PKIB: variants seen among roughly 807,000 people sequenced by gnomAD.
The protein encoded by PKIB is cAMP-dependent protein kinase inhibitor beta, also known as PKI-beta.
A neutral mutation model predicts 4.5 loss-of-function variants in PKIB; 2 were observed. The ratio of observed to expected loss-of-function variants is 0.44; its 90% CI spans 0.18 to 1.39. The LOEUF (loss-of-function observed/expected upper bound fraction) is 1.39. Ranked by LOEUF, PKIB falls within the 40% of genes most tolerant of loss-of-function variation. The pLI, the probability that PKIB is intolerant of heterozygous loss-of-function variation, is 0.27. For synonymous variants in PKIB, 38 were observed against 36.0 expected, an observed-to-expected ratio of 1.06 and a Z score of -0.20; for missense variants, 94 against 92.6, an observed-to-expected ratio of 1.02 and a Z score of -0.06.
At chr6:122,696,924 C>T (rs1778599957) in intron 3 of PKIB, among the ~76,000 whole-genome samples, 2 of 152,158 alleles carry the variant, frequency 1.3e-5, no homozygotes, top group African/African-American at 4.8e-5. Context: ...GTGTCTTAGT[C>T]ACCTCCTATT....
chr6:122,616,789 C>A (rs2114776637), intron 1 of PKIB, among the ~76,000 whole-genome samples: 1 of 151,936 alleles, frequency 6.6e-6, no homozygotes, highest in South Asian at 2.1e-4. Flanking sequence ...TCTGCCAGAC[C>A]CCTAGGGTTG....
chr6:122,549,553 T>G (rs1336526831), intron 2 of PKIB, among the ~76,000 whole-genome samples: 2 of 152,164 alleles, frequency 1.3e-5, no homozygotes, highest in African/African-American at 4.8e-5. Context: ...AAGCTGGGTA[T>G]TCAGTCAATT....
Position 122,502,575 on chromosome 6 carries a change from C to T in PKIB, c.-248+24636C>T, listed in dbSNP as rs569232757. 2.5e-4 allele frequency among the ~76,000 whole-genome samples: 38 copies of T among 152,070 alleles called. 1 individual carries two copies. In the South Asian group the frequency reaches 7.7e-3, roughly 31 times the overall value. On this transcript the variant is annotated intron_variant, in intron 2 of 6. Coordinates refer to the PKIB transcript ENST00000392491. ...TTAAATAATCAGATCTTGTGAGACT[C>T]ATTCACTATCACAAGAGCAGAAAGG...
intron 2 of PKIB, among the ~76,000 whole-genome samples, chr6:122,659,224 T>G (rs1263729298): frequency 6.6e-6 from 1 of 152,210 alleles, no homozygotes; most frequent in Non-Finnish European, 1.5e-5. Flanking sequence ...TTAATGAGGC[T>G]TTATATACAT....
At chr6:122,609,035 T>TTTGATATA (rs1774640384), upstream of PKIB, among the ~76,000 whole-genome samples, 1 of 143,776 alleles carries the variant, frequency 7.0e-6, no homozygotes, top group Non-Finnish European at 1.6e-5. Flanking sequence ...AAAGTTACAC[T>TTTGATATA]AATGATATAA....
chr6:122,621,665 T>C (rs1385431289), intron 1 of PKIB, among the ~76,000 whole-genome samples: 2 of 152,218 alleles, frequency 1.3e-5, no homozygotes, highest in African/African-American at 4.8e-5. Context: ...TTCAACATAA[T>C]AGAATGTGGA....
At chr6:122,664,724 T>G (rs185385790) in intron 2 of PKIB, among the ~76,000 whole-genome samples, 36 of 152,302 alleles carry the variant, frequency 2.4e-4, no homozygotes, top group Non-Finnish European at 3.5e-4. Flanking sequence ...GTCAATTTTT[T>G]TTGTTGTTGT....
At chr6:122,664,821 T>G (rs1777154578) in intron 2 of PKIB, among the ~76,000 whole-genome samples, 1 of 152,218 alleles carries the variant, frequency 6.6e-6, no homozygotes, top group Non-Finnish European at 1.5e-5. Context: ...ATAATTCATC[T>G]TCTAAAGGCA....
intron 2 of PKIB, chr6:122,643,706 A>G (rs1437822714): frequency 1.3e-5 from 2 of 152,240 alleles, no homozygotes; most frequent in African/African-American, 2.4e-5. Context: ...AATTTTAACT[A>G]TAGTCTTTAA....
At chr6:122,660,036 G>T (rs1156388757) in intron 2 of PKIB, among the ~76,000 whole-genome samples, 2 of 152,172 alleles carry the variant, frequency 1.3e-5, no homozygotes, top group African/African-American at 2.4e-5. Flanking sequence ...ATCTACTTTA[G>T]TTTTCCTTTA....
intron 2 of PKIB, among the ~76,000 whole-genome samples, chr6:122,511,154 A>G (rs576161983): frequency 6.6e-6 from 1 of 152,286 alleles, no homozygotes; most frequent in East Asian, 1.9e-4. Flanking sequence ...TGCAGCAATG[A>G]CCAAACTGAC....
intron 1 of PKIB, among the ~76,000 whole-genome samples, chr6:122,630,672 A>G (rs1775657465): frequency 6.6e-6 from 1 of 152,202 alleles, no homozygotes; most frequent in Non-Finnish European, 1.5e-5. Context: ...TACATTTTAT[A>G]TGATTTTAAC....
At chr6:122,573,538 GAAAA>G (rs1174086245) in intron 2 of PKIB, among the ~76,000 whole-genome samples, 2 of 129,128 alleles carry the variant, frequency 1.5e-5, no homozygotes, top group African/African-American at 5.8e-5. Flanking sequence ...AAAAAAAAAA[GAAAA>G]AGAAAAAAAA....
At chr6:122,485,156 A>G (rs995505236) in intron 2 of PKIB, among the ~76,000 whole-genome samples, 17 of 152,100 alleles carry the variant, frequency 1.1e-4, no homozygotes, top group Admixed American at 2.6e-4. Context: ...GCCTTGCTCA[A>G]TTAAACTCCT....
At chr6:122,514,415 A>G (rs1232807817) in intron 2 of PKIB, among the ~76,000 whole-genome samples, 2 of 152,206 alleles carry the variant, frequency 1.3e-5, no homozygotes, top group Non-Finnish European at 2.9e-5. Context: ...CTCAGGCCAC[A>G]AAGAAGTCAT....
chr6:122,616,661 A>G (rs753080444), intron 1 of PKIB, among the ~76,000 whole-genome samples: 4 of 152,072 alleles, frequency 2.6e-5, no homozygotes, highest in African/African-American at 4.8e-5. Context: ...TTGAACATAC[A>G]ATGTTTTCAA....
At chr6:122,691,295 T>A (rs1204926276) in intron 3 of PKIB, among the ~76,000 whole-genome samples, 4 of 152,186 alleles carry the variant, frequency 2.6e-5, no homozygotes, top group Non-Finnish European at 5.9e-5. Context: ...TTTCTCTACC[T>A]ACTCTTTAAG....
At chr6:122,525,679 T>TA (rs1355340521) in intron 2 of PKIB, among the ~76,000 whole-genome samples, 3 of 152,176 alleles carry the variant, frequency 2.0e-5, no homozygotes, top group Non-Finnish European at 4.4e-5. Flanking sequence ...ACTCTATGGC[T>TA]AAAAAATGCT....
At chr6:122,685,006 T>C (rs1778042296) in intron 3 of PKIB, among the ~76,000 whole-genome samples, 1 of 152,166 alleles carries the variant, frequency 6.6e-6, no homozygotes, top group Non-Finnish European at 1.5e-5. Context: ...TTTTTTAAAT[T>C]GAGAAAACAC....
Sources: gnomAD v4.1 joint callset for allele counts (sites outside exome capture counted in the v4.1 genomes callset) on GRCh38, gnomAD v4.1.1 for gene constraint, MANE v1.5 for transcripts, NCBI Gene and HGNC (gene_info 2026-07-23, HGNC 2026-07-21) for gene names.